The following HSF1 variants were observed in gnomAD, a reference collection of about 807,000 sequenced individuals.
HSF1 encodes heat shock transcription factor 1.
Under a neutral mutation model 51.7 loss-of-function variants are expected in HSF1, and 32 were observed. The ratio of observed to expected loss-of-function variants is 0.62; its 90% CI spans 0.47 to 0.83. The LOEUF is 0.83. HSF1 is among the 40% of genes least tolerant of loss of function. The probability of loss-of-function intolerance (pLI) is 0.00; values close to 1 mark genes in which losing one functional copy is unlikely to be tolerated. For synonymous variants in HSF1, 396 were observed against 309.7 expected (o/e 1.28, Z -2.92); for missense variants, 727 against 717.0 (o/e 1.01, Z -0.16).
In HSF1 at chr8:144,314,680, G is replaced by A. The variant is rs1425983218; in HGVS notation, c.*350G>A. ...GATATATACACACAGTGGATGGACG[G>A]ACAAGACAGGCAGAGATCTATAAAC... On this transcript the variant is annotated 3_prime_UTR_variant, in exon 13 of 13. Transcript: ENST00000528838. 2 of 295,484 alleles carry A rather than the reference G, an allele frequency of 6.8e-6. No homozygotes were observed. The highest frequency in any genetic ancestry group is 5.3e-5 in the South Asian group (1 of 18,760). The allele number at this position is 295,484 out of a possible 1,614,324, so 18.3% of individuals were successfully genotyped here. A position where few individuals can be genotyped will look rare whatever the true frequency, so the allele number is the denominator to read the frequency against.
At position 144,301,907 on chromosome 8, in the gene HSF1, G is replaced by A. The variant is rs1376689045; in HGVS notation, c.118-6999G>A. Among the ~76,000 whole-genome samples the A allele has an allele frequency of 5.9e-4, 89 of 150,300 alleles. 6 individuals are homozygous for A. The South Asian group carries it at 0.013, about 22-fold the overall frequency. On this transcript the variant is annotated intron_variant, in intron 1 of 12. Transcript: ENST00000528838. Reference sequence around the variant, plus strand: ...TCCAGAAGAGCCGTGCACGGTGGTGGTGCCTGTGGTGCCAGCTACTCAGAG... The same window carrying A: ...TCCAGAAGAGCCGTGCACGGTGGTGATGCCTGTGGTGCCAGCTACTCAGAG...
At chr8:144,303,881 TA>T (rs1270668620) in intron 1 of HSF1, among the ~76,000 whole-genome samples, 28 of 147,628 alleles carry the variant, frequency 1.9e-4, no homozygotes, top group Admixed American at 8.8e-4. Context: ...ATATAAAAAA[TA>T]AAAAAAAAAA....
chr8:144,308,822 AGAAGGGGCGGCCTGGG>A, intron 1 of HSF1, 68 bp from the exon 2 acceptor site: 4 of 1,114,364 alleles, frequency 3.6e-6, no homozygotes, highest in Middle Eastern at 2.0e-4. Context: ...CCTGCGTTTC[AGAAGGGGCGGCCTGGG>A]GAAGGGGCGG....
rs1588662960 is a variant in HSF1 at position 144,311,979 on chromosome 8, C to T, written c.877C>T (p.Pro293Ser). 2 of 1,590,984 alleles carry T rather than the reference C, an allele frequency of 1.3e-6. No individual in the cohort carries two copies. Among genetic ancestry groups the T allele is most frequent in the South Asian group, 1.1e-5 (1 of 89,238 alleles). ...SIDERPLSSS[P>S]LVRVKEEPPS... ...CGTGTGCAGGCCCCTATCCAGCAGC[C>T]CCCTGGTGCGTGTCAAGGAGGAGCC... The change falls in exon 9 of 13, where the codon CCC (proline) becomes TCC (serine). Residue 293 changes from proline (P) to serine (S), a missense_variant. Pro to Ser is a moderately conservative substitution (Grantham distance 74, BLOSUM62 -1). Transcript: ENST00000528838.
In HSF1 at chr8:144,309,570, C is replaced by T; in HGVS notation, c.342C>T (p.Asn114=). 1 of 1,614,016 alleles carries T rather than the reference C, an allele frequency of 6.2e-7. No individual in the cohort carries two copies. The highest frequency in any genetic ancestry group is 8.5e-7 in the Non-Finnish European group (1 of 1,180,004). Reference sequence around the variant, plus strand: ...GTGGCCAGGAGCAGCTCCTTGAGAACATCAAGAGGAAAGTGACCAGTGTGA... The same window carrying T: ...GTGGCCAGGAGCAGCTCCTTGAGAATATCAAGAGGAAAGTGACCAGTGTGA... The part of the protein sequence containing the change: ...FLRGQEQLLE[N]IKRKVTSVST... Residue 114 remains asparagine (N), a synonymous_variant, in exon 3 of 13, where the codon AAC becomes AAT. Coordinates refer to ENST00000528838, the MANE Select transcript of HSF1 (RefSeq NM_005526.4).
At chr8:144,293,855 C>T (rs1455538122) in intron 1 of HSF1, among the ~76,000 whole-genome samples, 1 of 151,042 alleles carries the variant, frequency 6.6e-6, no homozygotes, top group East Asian at 1.9e-4. Flanking sequence ...CTAGCGTGAT[C>T]TGTCCTGTCC....
rs1436907748 is a variant in HSF1, at chr8:144,314,431, G to A, written c.*101G>A. The A allele has an allele frequency of 3.9e-5, 39 of 996,646 alleles. No individual in the cohort carries two copies. The highest frequency in any genetic ancestry group is 5.3e-5 in the East Asian group (2 of 37,964). The allele number at this position is 996,646 out of a possible 1,614,324, so 61.7% of individuals were successfully genotyped here. On this transcript the variant is annotated 3_prime_UTR_variant, in exon 13 of 13. Coordinates refer to ENST00000528838, the MANE Select transcript of HSF1 (RefSeq NM_005526.4). Reference sequence around the variant, plus strand: ...TCGCGGTCTTGGGCACTGGTGGGTCGGCCGCCATAGCCCCAGTAGGACAAA... The same window carrying A: ...TCGCGGTCTTGGGCACTGGTGGGTCAGCCGCCATAGCCCCAGTAGGACAAA...
At chr8:144,298,442 C>A (rs1206414181) in intron 1 of HSF1, among the ~76,000 whole-genome samples, 47 of 138,742 alleles carry the variant, frequency 3.4e-4, no homozygotes, top group East Asian at 4.2e-4. Context: ...ACTAAAAATA[C>A]AAAAAAAAAA....
intron 4 of HSF1, chr8:144,310,495 T>A (rs575976376): frequency 6.5e-6 from 1 of 154,854 alleles, no homozygotes; most frequent in Non-Finnish European, 1.4e-5. Context: ...CTTCCTCGGC[T>A]CCGTGCAGCA....
chr8:144,298,107 C>G (rs574797025), intron 1 of HSF1, among the ~76,000 whole-genome samples: 4 of 152,224 alleles, frequency 2.6e-5, no homozygotes, highest in Non-Finnish European at 4.4e-5. Flanking sequence ...GTGACTCCTC[C>G]AAGAGGTGCC....
At chr8:144,313,103 T>C in intron 9 of HSF1, 2 of 392,262 alleles carry the variant, frequency 5.1e-6, no homozygotes, top group East Asian at 5.1e-5. Context: ...ACCGTGGGTC[T>C]CATCCCCACA....
chr8:144,302,464 G>A (rs541481001), intron 1 of HSF1, among the ~76,000 whole-genome samples: 3 of 149,700 alleles, frequency 2.0e-5, no homozygotes, highest in Admixed American at 1.3e-4. Flanking sequence ...CTGAGATCGC[G>A]CCATTGCACT....
At chr8:144,294,189 A>G (rs1242507867) in intron 1 of HSF1, among the ~76,000 whole-genome samples, 1 of 152,128 alleles carries the variant, frequency 6.6e-6, no homozygotes, top group Non-Finnish European at 1.5e-5. Flanking sequence ...ACTGGAAGGA[A>G]GCCCTTCTCC....
rs2130428112 is a variant in HSF1 at position 144,309,754 on chromosome 8, T to C, written c.364-18T>C. 2 of 1,612,184 alleles carry C rather than the reference T, an allele frequency of 1.2e-6. No homozygotes were observed. Among genetic ancestry groups the C allele is most frequent in the Non-Finnish European group, 1.7e-6 (2 of 1,179,190 alleles). On this transcript the variant is annotated intron_variant, in intron 3 of 12. Coordinates refer to ENST00000528838, the MANE Select transcript of HSF1 (RefSeq NM_005526.4). ...TCCTAGGCTGCTCCAGTGACTCCTG[T>C]CCCTCTCGGGAATCCAGGTGTCCAC...
In HSF1 at chr8:144,297,581, G is replaced by A. The variant is rs1156937118; in HGVS notation, c.117+5707G>A. 6.6e-6 allele frequency among the ~76,000 whole-genome samples: 1 copy of A among 152,196 alleles called. No individual in the cohort carries two copies. Among genetic ancestry groups the A allele is most frequent in the East Asian group, 1.9e-4 (1 of 5,200 alleles). On this transcript the variant is annotated intron_variant, in intron 1 of 12. Transcript: ENST00000528838. This position sits in a 1 kb window ranked among gnomAD's most constrained non-coding sequence, Gnocchi z 4.6. The stretch of plus-strand genomic sequence containing the variant: ...TGAGCCACTTTGTCTGCACCTGCTC[G>A]CGCTTCCTGCCTGCCTCACTGCTTC...
intron 1 of HSF1, among the ~76,000 whole-genome samples, chr8:144,306,577 A>C (rs955251323): frequency 3.3e-5 from 5 of 152,040 alleles, no homozygotes; most frequent in Non-Finnish European, 7.4e-5. Context: ...TGCCCAGGCC[A>C]GTCTCCAACT....
At chr8:144,309,719 C>G in intron 3 of HSF1, 53 bp from the exon 4 acceptor site, 2 of 1,598,386 alleles carry the variant, frequency 1.3e-6, no homozygotes, top group Non-Finnish European at 1.7e-6. Flanking sequence ...CGAGCCTGAG[C>G]CTGCCAAGCT....
chr8:144,298,741 C>T (rs982822285), intron 1 of HSF1, among the ~76,000 whole-genome samples: 2 of 152,324 alleles, frequency 1.3e-5, no homozygotes, highest in East Asian at 3.9e-4. Flanking sequence ...GCTGAGGCAG[C>T]TAGAATGTGT....
In HSF1 at chr8:144,309,027, T is replaced by C. The variant is rs1019193707; in HGVS notation, c.226+13T>C. The C allele has an allele frequency of 1.9e-6, 3 of 1,596,878 alleles. No homozygotes were observed. Among genetic ancestry groups the C allele is most frequent in the Non-Finnish European group, 2.6e-6 (3 of 1,164,378 alleles). ...CAGCTCAACATGTGTGAGTGCTGCCTCCAGGCAGCGCAGGGGTGCGGGAGG... is the reference window on the plus strand; with the variant it reads ...CAGCTCAACATGTGTGAGTGCTGCCCCCAGGCAGCGCAGGGGTGCGGGAGG... On this transcript the variant is annotated intron_variant, in intron 2 of 12. Coordinates refer to ENST00000528838, the MANE Select transcript of HSF1 (RefSeq NM_005526.4).
Sources: gnomAD v4.1 joint callset for allele counts (sites outside exome capture counted in the v4.1 genomes callset) on GRCh38, gnomAD v4.1.1 for gene constraint, Gnocchi (gnomAD v3.1) non-coding constraint, MANE v1.5 for transcripts, NCBI Gene and HGNC (gene_info 2026-07-23, HGNC 2026-07-21) for gene names.